The following CCND2 variants were observed in gnomAD, a reference collection of about 807,000 sequenced individuals.
CCND2 encodes G1/S-specific cyclin-D2.
Under a neutral mutation model 30.2 loss-of-function variants are expected in CCND2, and 6 were observed. The ratio of observed to expected loss-of-function variants is 0.20; its 90% CI spans 0.11 to 0.39. The LOEUF (loss-of-function observed/expected upper bound fraction) is 0.39. Among genes scored for constraint, CCND2 ranks in the 10% least tolerant of loss-of-function variants. CCND2 has a pLI of 1.00. For missense variants in CCND2, 235 were observed against 373.4 expected (o/e 0.63, Z 3.06); for synonymous variants, 150 against 153.1 (o/e 0.98, Z 0.15).
chr12:4,283,048 G>A (rs762241748), intron 3 of CCND2, among the ~76,000 whole-genome samples: 9 of 152,182 alleles, frequency 5.9e-5, no homozygotes, highest in Non-Finnish European at 1.3e-4. Flanking sequence ...CCAAGACCTC[G>A]GCCACCATAG....
At position 4,282,904 on chromosome 12, in the gene CCND2, A is replaced by ACTTC. The variant is rs1863968997; in HGVS notation, c.571+3987_571+3990dup. The stretch of plus-strand genomic sequence containing the variant: ...GAACACTCTGGTTCTGGCCCTTTGA[A>ACTTC]CTTCCACCTGACTGCAGGTTGGAGA... On this transcript the variant is annotated intron_variant, in intron 3 of 4. Transcript: ENST00000261254. The surrounding 1 kb of genome is among the most constrained non-coding windows in gnomAD (Gnocchi z 4.3). Among the ~76,000 whole-genome samples, 3 of 152,216 alleles carry ACTTC rather than the reference A, an allele frequency of 2.0e-5. No homozygotes were observed. The highest frequency in any genetic ancestry group is 4.4e-5 in the Non-Finnish European group (3 of 67,974).
rs1257982309 is a variant in CCND2, at chr12:4,274,382, C to T, written c.195+147C>T. 1 of 797,106 alleles carries T rather than the reference C, an allele frequency of 1.3e-6. No homozygotes were observed. The highest frequency in any genetic ancestry group is 2.0e-6 in the Non-Finnish European group (1 of 493,202). The allele number at this position is 797,106 out of a possible 1,614,324, so 49.4% of individuals were successfully genotyped here. On this transcript the variant is annotated intron_variant, in intron 1 of 4. Transcript: ENST00000261254. This position sits in a 1 kb window ranked among gnomAD's most constrained non-coding sequence, Gnocchi z 7.7. ...GTTTACCGCGCGCCTTCTGGCGAGA[C>T]GCGTGGCTTTATTTCTGTTCCTCTC...
At position 4,299,960 on chromosome 12, in the gene CCND2, A is replaced by T. The variant is rs1162222406; in HGVS notation, c.821A>T (p.Glu274Val). The T allele has an allele frequency of 1.9e-6, 3 of 1,614,054 alleles. No homozygotes were observed. Among genetic ancestry groups the T allele is most frequent in the Non-Finnish European group, 2.5e-6 (3 of 1,180,030 alleles). ...CGTGACGGATCCAAGTCGGAGGATG[A>T]ACTGGACCAAGCCAGCACCCCTACA... ...DQRDGSKSED[E>V]LDQASTPTDV... is the part of the protein sequence containing the mutation. Residue 274 changes from glutamate to valine, a missense_variant, in exon 5 of 5, where the codon GAA becomes GTA. Glu to Val is a moderately radical substitution (Grantham distance 121). Coordinates refer to ENST00000261254, the MANE Select transcript of CCND2 (RefSeq NM_001759.4). This position sits in a 1 kb window ranked among gnomAD's most constrained non-coding sequence, Gnocchi z 5.2.
chr12:4,278,661 C>A, intron 2 of CCND2, 99 bp from the exon 3 acceptor site: 1 of 1,153,300 alleles, frequency 8.7e-7, no homozygotes, highest in Non-Finnish European at 1.2e-6. Flanking sequence ...TCCTAATGAG[C>A]GGCCTTAAAA....
At chr12:4,286,146 G>A (rs1033354994) in intron 3 of CCND2, among the ~76,000 whole-genome samples, 1 of 152,228 alleles carries the variant, frequency 6.6e-6, no homozygotes, top group Non-Finnish European at 1.5e-5. Flanking sequence ...TGATACAAAA[G>A]TTTCTCCGAA....
At position 4,301,336 on chromosome 12, in the gene CCND2, A is replaced by G. The variant is rs1017148445; in HGVS notation, c.*1327A>G. The stretch of plus-strand genomic sequence containing the variant: ...AGATGGCTGAACATCAGGGTGTGGC[A>G]TTTTGTTCCCTTTTCCGTTTTTTTT... On this transcript the variant is annotated 3_prime_UTR_variant, in exon 5 of 5. Coordinates refer to ENST00000261254, the MANE Select transcript of CCND2 (RefSeq NM_001759.4). 2.6e-4 allele frequency: 54 copies of G among 207,274 alleles called. No homozygotes were observed. Among genetic ancestry groups the G allele is most frequent in the African/African-American group, 1.1e-3 (44 of 38,358 alleles). 12.8% of individuals were successfully genotyped at this position (207,274 alleles called of 1,614,324 possible).
At chr12:4,297,382 C>T (rs1028541697) in intron 4 of CCND2, among the ~76,000 whole-genome samples, 6 of 151,910 alleles carry the variant, frequency 3.9e-5, no homozygotes, top group African/African-American at 7.3e-5. Flanking sequence ...ACCAGCCTGG[C>T]CAATCTGGTG....
At position 4,299,009 on chromosome 12, in the gene CCND2, T is replaced by C. The variant is rs1864211398; in HGVS notation, c.721-851T>C. ...AGAATGTTGTAGACATTCTGCATTA[T>C]ATCTTTATGAGAGTTAAGGAAATGG... On this transcript the variant is annotated intron_variant, in intron 4 of 4. Coordinates refer to ENST00000261254, the MANE Select transcript of CCND2 (RefSeq NM_001759.4). The surrounding 1 kb of genome is among the most constrained non-coding windows in gnomAD (Gnocchi z 5.2). Among the ~76,000 whole-genome samples, 1 of 152,202 alleles carries C rather than the reference T, an allele frequency of 6.6e-6. No homozygotes were observed. The highest frequency in any genetic ancestry group is 6.5e-5 in the Admixed American group (1 of 15,272).
chr12:4,276,635 A>T lies in CCND2; in HGVS notation c.411+415A>T, dbSNP rs1314440749. Among the ~76,000 whole-genome samples, 1 of 152,220 alleles carries T rather than the reference A, an allele frequency of 6.6e-6. No individual in the cohort carries two copies. The highest frequency in any genetic ancestry group is 1.5e-5 in the Non-Finnish European group (1 of 68,036). On this transcript the variant is annotated intron_variant, in intron 2 of 4. Transcript: ENST00000261254. This position sits in a 1 kb window ranked among gnomAD's most constrained non-coding sequence, Gnocchi z 4.8. ...TATGTGGCTGTGGTGTCTCCTAAAA[A>T]CTTGGAGTTCAAAGGTAATGCCCTC... is the stretch of plus-strand genomic sequence containing the variant.
intron 3 of CCND2, among the ~76,000 whole-genome samples, chr12:4,286,153 C>T (rs1245731149): frequency 4.6e-5 from 7 of 152,144 alleles, no homozygotes; most frequent in Admixed American, 3.3e-4. Flanking sequence ...AAAGTTTCTC[C>T]GAACAATATT....
rs986579422 is a variant in CCND2, at chr12:4,275,902, A to G, written c.196-103A>G. 7 of 754,044 alleles carry G rather than the reference A, an allele frequency of 9.3e-6. No homozygotes were observed. In the African/African-American group the frequency reaches 1.1e-4, roughly 11 times the overall value. 46.7% of individuals were successfully genotyped at this position (754,044 alleles called of 1,614,324 possible). A position where few individuals can be genotyped will look rare whatever the true frequency, so the allele number is the denominator to read the frequency against. On this transcript the variant is annotated intron_variant, in intron 1 of 4. Transcript: ENST00000261254. Reference sequence around the variant, plus strand: ...CTCCCCCTCCCACAAAAAAAAATTAATTTTTTTTGTTTCGATAGATTACGC... The same window carrying G: ...CTCCCCCTCCCACAAAAAAAAATTAGTTTTTTTTGTTTCGATAGATTACGC...
intron 3 of CCND2, among the ~76,000 whole-genome samples, chr12:4,279,842 T>C (rs1863924960): frequency 6.6e-6 from 1 of 151,420 alleles, no homozygotes; most frequent in Admixed American, 6.6e-5. Context: ...GCTGATCACT[T>C]GGGAAGACCT....
intron 4 of CCND2, among the ~76,000 whole-genome samples, chr12:4,294,698 G>C (rs3217892): frequency 6.6e-6 from 1 of 152,278 alleles, no homozygotes; most frequent in African/African-American, 2.4e-5. Context: ...GACAAGCCAC[G>C]TCAACTCTCC....
At position 4,299,768 on chromosome 12, in the gene CCND2, C is replaced by A; in HGVS notation, c.721-92C>A. On this transcript the variant is annotated intron_variant, in intron 4 of 4. Coordinates refer to ENST00000261254, the MANE Select transcript of CCND2 (RefSeq NM_001759.4). This position sits in a 1 kb window ranked among gnomAD's most constrained non-coding sequence, Gnocchi z 5.2. ...TATTTCTACTGGAAACTAGCACAGA[C>A]TTATGCAAGCTAAATTACGCATGTT... is the stretch of plus-strand genomic sequence containing the variant. The A allele has an allele frequency of 7.9e-7, 1 of 1,266,720 alleles. No homozygotes were observed. Among genetic ancestry groups the A allele is most frequent in the Non-Finnish European group, 1.1e-6 (1 of 901,720 alleles). The allele number at this position is 1,266,720 out of a possible 1,614,324, so 78.5% of individuals were successfully genotyped here.
chr12:4,285,448 G>T lies in CCND2; in HGVS notation c.572-3394G>T, dbSNP rs1864009825. The T allele has an allele frequency of 4.1e-6, 4 of 983,330 alleles. No homozygotes were observed. The highest frequency in any genetic ancestry group is 4.8e-6 in the Non-Finnish European group (4 of 828,028). 60.9% of individuals were successfully genotyped at this position (983,330 alleles called of 1,614,324 possible). A position where few individuals can be genotyped will look rare whatever the true frequency, so the allele number is the denominator to read the frequency against. ...AGAAATTTGTACCTGGTTTTTATTT[G>T]TTAAAATAATATTACGTACAAATTT... On this transcript the variant is annotated intron_variant, in intron 3 of 4. Transcript: ENST00000261254. The surrounding 1 kb of genome is among the most constrained non-coding windows in gnomAD (Gnocchi z 4.1).
Position 4,287,087 on chromosome 12 carries a change from G to A in CCND2, c.572-1755G>A, listed in dbSNP as rs753594797. 1.5e-4 allele frequency among the ~76,000 whole-genome samples: 23 copies of A among 152,238 alleles called. No homozygotes were observed. Among genetic ancestry groups the A allele is most frequent in the Non-Finnish European group, 1.9e-4 (13 of 68,042 alleles). ...CTGGCTTTGTCACACTGTTCATGGCGACAGAGAAGGCGTAGGAGGGGCGGG... is the reference window on the plus strand; with the variant it reads ...CTGGCTTTGTCACACTGTTCATGGCAACAGAGAAGGCGTAGGAGGGGCGGG... On this transcript the variant is annotated intron_variant, in intron 3 of 4. Coordinates refer to ENST00000261254, the MANE Select transcript of CCND2 (RefSeq NM_001759.4). The surrounding 1 kb of genome is among the most constrained non-coding windows in gnomAD (Gnocchi z 4.0).
chr12:4,284,216 G>C (rs1863990499), intron 3 of CCND2, among the ~76,000 whole-genome samples: 1 of 152,218 alleles, frequency 6.6e-6, no homozygotes, highest in African/African-American at 2.4e-5. Flanking sequence ...ACCAGGCACT[G>C]TGCTTTTACA....
Position 4,274,346 on chromosome 12 carries a change from C to T in CCND2, c.195+111C>T. 8.4e-7 allele frequency: 1 copy of T among 1,190,282 alleles called. No individual in the cohort carries two copies. The highest frequency in any genetic ancestry group is 1.2e-6 in the Non-Finnish European group (1 of 828,698). The allele number at this position is 1,190,282 out of a possible 1,614,324, so 73.7% of individuals were successfully genotyped here. On this transcript the variant is annotated intron_variant, in intron 1 of 4. Coordinates refer to ENST00000261254, the MANE Select transcript of CCND2 (RefSeq NM_001759.4). This position sits in a 1 kb window ranked among gnomAD's most constrained non-coding sequence, Gnocchi z 7.7. ...CAATCCCCGCGCCGGCCTCCCGGCT[C>T]CTGTGCGGGAGTTTACCGCGCGCCT...
intron 1 of CCND2, 85 bp from the exon 2 acceptor site, chr12:4,275,897 AATTAATTTTTTTTGTTTCGATAG>A (rs1863865886): frequency 1.4e-6 from 1 of 719,404 alleles, no homozygotes; most frequent in Admixed American, 2.8e-5. Context: ...CACAAAAAAA[AATTAATTTTTTTTGTTTCGATAG>A]ATTACGCTTT....
Sources: gnomAD v4.1 joint callset for allele counts (sites outside exome capture counted in the v4.1 genomes callset) on GRCh38, gnomAD v4.1.1 for gene constraint, Gnocchi (gnomAD v3.1) non-coding constraint, MANE v1.5 for transcripts, NCBI Gene and HGNC (gene_info 2026-07-23, HGNC 2026-07-21) for gene names.